Variants in INPP5A observed in about 807,000 individuals in gnomAD.
INPP5A encodes 43 kDa inositol polyphosphate 5-phophatase.
INPP5A carries 14 observed loss-of-function variants against 65.2 expected under a neutral mutation model. That is an observed-to-expected ratio of 0.21 (90% CI 0.14 to 0.34). INPP5A has a LOEUF of 0.34. Ranked by LOEUF, INPP5A falls within the 10% of genes least tolerant of loss-of-function variation. INPP5A has a pLI of 1.00. For missense variants in INPP5A, 431 were observed against 545.6 expected (o/e 0.79, Z 2.09); for synonymous variants, 207 against 208.3 (o/e 0.99, Z 0.05).
At chr10:132,577,425 T>G (rs2071423941) in intron 1 of INPP5A, among the ~76,000 whole-genome samples, 1 of 152,230 alleles carries the variant, frequency 6.6e-6, no homozygotes, top group East Asian at 1.9e-4. Flanking sequence ...TCTGTGATTT[T>G]TGTTCACACG....
At chr10:132,572,884 T>C (rs1383534960) in intron 1 of INPP5A, among the ~76,000 whole-genome samples, 16 of 152,344 alleles carry the variant, frequency 1.1e-4, no homozygotes, top group Middle Eastern at 3.4e-3. Flanking sequence ...TGAAAGAACT[T>C]GTTTAAAGAA....
chr10:132,592,877 G>T (rs940425600), intron 1 of INPP5A, among the ~76,000 whole-genome samples: 17 of 152,156 alleles, frequency 1.1e-4, no homozygotes, highest in African/African-American at 4.1e-4. Context: ...TCAGGGCTCA[G>T]CCTGCTGGGT....
rs1010532078 is a variant in INPP5A at position 132,753,049 on chromosome 10, A to C, written c.903+3204A>C. 6.6e-6 allele frequency among the ~76,000 whole-genome samples: 1 copy of C among 152,158 alleles called. No homozygotes were observed. Among genetic ancestry groups the C allele is most frequent in the Non-Finnish European group, 1.5e-5 (1 of 68,014 alleles). On this transcript the variant is annotated intron_variant, in intron 11 of 15. Transcript: ENST00000368594. The surrounding 1 kb of genome is among the most constrained non-coding windows in gnomAD (Gnocchi z 5.3). The stretch of plus-strand genomic sequence containing the variant: ...GAGGCGCCTTCTGAGGCTGTTTCTC[A>C]TGAGAAGAGCCGATGCCTCGGCGTT...
At chr10:132,560,631 G>A (rs947792719) in intron 1 of INPP5A, among the ~76,000 whole-genome samples, 19 of 151,918 alleles carry the variant, frequency 1.3e-4, no homozygotes, top group African/African-American at 4.6e-4. Context: ...ACAGATTCTC[G>A]CTCTGTTGCT....
chr10:132,610,383 G>A (rs757189514), intron 2 of INPP5A, among the ~76,000 whole-genome samples: 2 of 152,226 alleles, frequency 1.3e-5, no homozygotes, highest in African/African-American at 2.4e-5. Flanking sequence ...GGGGCGGTTC[G>A]TGAACAGGAA....
intron 11 of INPP5A, among the ~76,000 whole-genome samples, chr10:132,763,019 C>G (rs546011546): frequency 6.6e-6 from 1 of 152,254 alleles, no homozygotes; most frequent in East Asian, 1.9e-4. Flanking sequence ...AAAAACCATA[C>G]TTGGGATTCT....
intron 5 of INPP5A, among the ~76,000 whole-genome samples, chr10:132,693,443 C>T (rs1259677708): frequency 6.6e-6 from 1 of 151,560 alleles, no homozygotes; most frequent in Non-Finnish European, 1.5e-5. Context: ...TATATAAACA[C>T]CTAAAGATTA....
intron 3 of INPP5A, among the ~76,000 whole-genome samples, chr10:132,649,477 CCT>C (rs2072543642): frequency 1.3e-5 from 2 of 152,188 alleles, no homozygotes; most frequent in Non-Finnish European, 2.9e-5. Flanking sequence ...GTGTTTGAGC[CCT>C]GTTTTCTTCC....
chr10:132,635,444 G>A (rs2072334449), intron 2 of INPP5A, among the ~76,000 whole-genome samples: 1 of 109,450 alleles, frequency 9.1e-6, no homozygotes, highest in African/African-American at 3.6e-5. Flanking sequence ...TGCCCAGGCT[G>A]GAGTGCAGTG....
intron 4 of INPP5A, among the ~76,000 whole-genome samples, chr10:132,657,659 C>T (rs1286775342): frequency 1.3e-5 from 2 of 152,242 alleles, no homozygotes; most frequent in Non-Finnish European, 2.9e-5. Flanking sequence ...GTGAGCTCCC[C>T]CTTCCACTCT....
chr10:132,658,357 C>T (rs946487870), intron 4 of INPP5A, among the ~76,000 whole-genome samples: 4 of 152,188 alleles, frequency 2.6e-5, no homozygotes, highest in African/African-American at 9.7e-5. Context: ...TGCTCCTAAT[C>T]CACTCCCTTA....
chr10:132,637,867 G>A lies in INPP5A; in HGVS notation c.118-8001G>A, dbSNP rs11146447. 4.6e-5 allele frequency among the ~76,000 whole-genome samples: 7 copies of A among 152,066 alleles called. No individual in the cohort carries two copies. Among genetic ancestry groups the A allele is most frequent in the African/African-American group, 7.2e-5 (3 of 41,390 alleles). ...GCCTCACGGTCGTTTTCCTCAGGTC[G>A]GGCACGTTTTCCTCAGTTTGTGTGT... On this transcript the variant is annotated intron_variant, in intron 2 of 15. Transcript: ENST00000368594. The surrounding 1 kb of genome is among the most constrained non-coding windows in gnomAD (Gnocchi z 4.1).
chr10:132,603,510 A>G lies in INPP5A; in HGVS notation c.76-4405A>G, dbSNP rs954131587. 1.3e-5 allele frequency among the ~76,000 whole-genome samples: 2 copies of G among 152,250 alleles called. No homozygotes were observed. Among genetic ancestry groups the G allele is most frequent in the Non-Finnish European group, 2.9e-5 (2 of 68,040 alleles). On this transcript the variant is annotated intron_variant, in intron 1 of 15. Transcript: ENST00000368594. This position sits in a 1 kb window ranked among gnomAD's most constrained non-coding sequence, Gnocchi z 4.2. ...GCTCAAATTGTCAGGAGAAACAGAC[A>G]CTGAAGTGAAACTCAAGGAACTTCT...
intron 3 of INPP5A, among the ~76,000 whole-genome samples, chr10:132,649,258 C>T (rs771310288): frequency 3.9e-5 from 6 of 152,218 alleles, no homozygotes; most frequent in South Asian, 4.1e-4. Flanking sequence ...CTTTTCCTTC[C>T]GTCTGTGCGT....
At chr10:132,615,480 A>G (rs962027287) in intron 2 of INPP5A, among the ~76,000 whole-genome samples, 3 of 152,190 alleles carry the variant, frequency 2.0e-5, no homozygotes, top group African/African-American at 7.2e-5. Context: ...GCCGCTGCTC[A>G]GTGGAGTTGG....
intron 8 of INPP5A, among the ~76,000 whole-genome samples, chr10:132,725,021 G>A (rs904785137): frequency 1.3e-5 from 2 of 151,540 alleles, no homozygotes; most frequent in Non-Finnish European, 2.9e-5. Flanking sequence ...CTCACGGGGG[G>A]CCCCAGGCCA....
chr10:132,567,625 C>G (rs2071288221), intron 1 of INPP5A, among the ~76,000 whole-genome samples: 1 of 152,198 alleles, frequency 6.6e-6, no homozygotes, highest in South Asian at 2.1e-4. Context: ...TTTTTCCACC[C>G]ACCTCCCTTT....
Position 132,674,949 on chromosome 10 carries a change from C to T in INPP5A, c.307-15443C>T, listed in dbSNP as rs1013686361. Among the ~76,000 whole-genome samples the T allele has an allele frequency of 1.3e-5, 2 of 152,234 alleles. No individual in the cohort carries two copies. The highest frequency in any genetic ancestry group is 1.3e-4 in the Admixed American group (2 of 15,286). On this transcript the variant is annotated intron_variant, in intron 4 of 15. Transcript: ENST00000368594. The surrounding 1 kb of genome is among the most constrained non-coding windows in gnomAD (Gnocchi z 4.4). ...CTCCAAACAGCATCCTTATCTGCCA[C>T]TGACACCTCAAGCACCATTGGATCT...
At chr10:132,680,794 G>A (rs1055021898) in intron 4 of INPP5A, among the ~76,000 whole-genome samples, 2 of 152,260 alleles carry the variant, frequency 1.3e-5, no homozygotes, top group African/African-American at 2.4e-5. Context: ...CTTAGCACCC[G>A]GGCCAGCAGC....
Sources: allele counts gnomAD v4.1 joint callset (sites outside exome capture counted in the v4.1 genomes callset), GRCh38; gene constraint gnomAD v4.1.1; non-coding constraint Gnocchi (gnomAD v3.1); transcripts MANE v1.5; gene names NCBI Gene and HGNC (gene_info 2026-07-23, HGNC 2026-07-21).